The following LRP1 variants were observed in gnomAD, a reference collection of about 807,000 sequenced individuals.
LRP1 encodes the protein LDL receptor related protein 1.
LRP1 carries 51 observed loss-of-function variants against 541.5 expected under a neutral mutation model. That is an observed-to-expected ratio of 0.09 (90% confidence interval 0.08 to 0.12). The LOEUF is 0.12. Ranked by LOEUF, LRP1 falls within the 10% of genes least tolerant of loss-of-function variation. The probability of loss-of-function intolerance (pLI) is 1.00; values close to 1 mark genes in which losing one functional copy is unlikely to be tolerated. For synonymous variants in LRP1, 2,219 were observed against 2,470.8 expected (o/e 0.90, Z 3.02); for missense variants, 3,878 against 6,376.2 (o/e 0.61, Z 13.34).
At position 57,183,687 on chromosome 12, in the gene LRP1, C is replaced by T. The variant is rs1187578548; in HGVS notation, c.5795-88C>T. 3 of 1,565,640 alleles carry T rather than the reference C, an allele frequency of 1.9e-6. No homozygotes were observed. The highest frequency in any genetic ancestry group is 2.6e-6 in the Non-Finnish European group (3 of 1,150,850). On this transcript the variant is annotated intron_variant, in intron 35 of 88. Coordinates refer to ENST00000243077, the MANE Select transcript of LRP1 (RefSeq NM_002332.3). The surrounding 1 kb of genome is among the most constrained non-coding windows in gnomAD (Gnocchi z 6.1). ...GCACCTGGCCCCTCCGGCACTCTCT[C>T]ACCTCTGTCTTGAGCCTTGTGAGAT...
intron 1 of LRP1, among the ~76,000 whole-genome samples, chr12:57,135,420 C>T (rs1166187668): frequency 1.3e-5 from 2 of 152,182 alleles, no homozygotes; most frequent in African/African-American, 4.8e-5. Flanking sequence ...AAGGGTCCTA[C>T]CCCGCTCCCA....
At chr12:57,167,111 G>C in intron 18 of LRP1, 65 bp downstream of exon 18, 5 of 1,384,316 alleles carry the variant, frequency 3.6e-6, no homozygotes, top group East Asian at 2.3e-5. Flanking sequence ...GAGCATGCCA[G>C]TTGGGGGTGC....
rs1468573262 is a variant in LRP1, at chr12:57,173,786, G to A, written c.3353G>A (p.Cys1118Tyr). Reference sequence around the variant, plus strand: ...TAGTGCACCTGTCCCTCAGCTCGGTGCATCAGCAAAGCGTGGGTGTGTGAT... The same window carrying A: ...TAGTGCACCTGTCCCTCAGCTCGGTACATCAGCAAAGCGTGGGTGTGTGAT... ...VKFGCKDSAR[C>Y]ISKAWVCDGD... is the part of the protein sequence containing the mutation. Residue 1118 changes from cysteine (C) to tyrosine (Y), a missense_variant, in exon 22 of 89, where the codon TGC (cysteine) becomes TAC (tyrosine). Coordinates refer to ENST00000243077, the MANE Select transcript of LRP1 (RefSeq NM_002332.3). The surrounding 1 kb of genome is among the most constrained non-coding windows in gnomAD (Gnocchi z 4.7). 1 of 1,614,232 alleles carries A rather than the reference G, an allele frequency of 6.2e-7. No individual in the cohort carries two copies.
chr12:57,209,259 A>G (rs1274118402), intron 79 of LRP1, 60 bp downstream of exon 79: 3 of 1,383,760 alleles, frequency 2.2e-6, no homozygotes, highest in Non-Finnish European at 3.1e-6. Context: ...CATCCTCCCT[A>G]CTGAGCCAAA....
rs746723666 is a variant in LRP1, at chr12:57,198,615, C to T, written c.9621C>T (p.Asp3207=). 13 of 1,613,446 alleles carry T rather than the reference C, an allele frequency of 8.1e-6. No homozygotes were observed. In the African/African-American group the frequency reaches 1.2e-4, roughly 15 times the overall value. The change falls in exon 60 of 89, where the codon GAC becomes GAT. Residue 3207 remains aspartate (D), a synonymous_variant. Coordinates refer to ENST00000243077, the MANE Select transcript of LRP1 (RefSeq NM_002332.3). ...TCACTGAGCGCATCTACTGGGCCGA[C>T]GCCCGCGAGGACTACATTGAATTTG... The part of the protein sequence containing the change: ...DYVTERIYWA[D]AREDYIEFAS...
chr12:57,213,340 TAAAAAAAAAAAAAAAAAAAAAGGCCA>T (rs2036960489), exon 89 of LRP1: 2 of 95,616 alleles, frequency 2.1e-5, no homozygotes, highest in South Asian at 8.1e-4. Flanking sequence ...AATAAAATTG[TAAAAAAAAAAAAAAAAAAAAAGGCCA>T]AAAAAAAAAA....
intron 55 of LRP1, 104 bp downstream of exon 55, chr12:57,196,381 G>A (rs2036535206): frequency 1.8e-6 from 2 of 1,138,676 alleles, no homozygotes; most frequent in African/African-American, 1.6e-5. Flanking sequence ...TGGGGATACA[G>A]CAGTGAATGA....
chr12:57,208,283 G>T, intron 77 of LRP1, 67 bp downstream of exon 77: 2 of 1,528,950 alleles, frequency 1.3e-6, no homozygotes, highest in Non-Finnish European at 1.8e-6. Flanking sequence ...AGGGTTGGGG[G>T]CTGCACCCAC....
Position 57,189,869 on chromosome 12 carries a change from A to G in LRP1, c.7032-936A>G, listed in dbSNP as rs2036342361. On this transcript the variant is annotated intron_variant, in intron 42 of 88. Transcript: ENST00000243077. The surrounding 1 kb of genome is among the most constrained non-coding windows in gnomAD (Gnocchi z 4.4). Reference sequence around the variant, plus strand: ...CCCGCCCTGGGCCTAGCTGAGTGACAAGCTCTGGGACCGAGGACCCAGGGC... The same window carrying G: ...CCCGCCCTGGGCCTAGCTGAGTGACGAGCTCTGGGACCGAGGACCCAGGGC... Among the ~76,000 whole-genome samples the G allele has an allele frequency of 6.6e-6, 1 of 152,032 alleles. No homozygotes were observed. The highest frequency in any genetic ancestry group is 1.5e-5 in the Non-Finnish European group (1 of 67,986).
intron 42 of LRP1, among the ~76,000 whole-genome samples, chr12:57,188,641 C>G (rs2036317038): frequency 6.6e-6 from 1 of 152,214 alleles, no homozygotes; most frequent in Admixed American, 6.5e-5. Context: ...TCCCAGAGGA[C>G]GTGACCCCCT....
At chr12:57,129,426 A>C (rs1220802849) in intron 1 of LRP1, among the ~76,000 whole-genome samples, 1 of 150,224 alleles carries the variant, frequency 6.7e-6, no homozygotes, top group Admixed American at 6.6e-5. Flanking sequence ...TTCGGCTGCA[A>C]AAGGGGGTGG....
chr12:57,201,237 G>A lies in LRP1; in HGVS notation c.10345+84G>A. ...CAGAATCTCCCCACAGCTTTGAGAG[G>A]CTCTCAAATAACTTTAGTAGATGGG... is the stretch of plus-strand genomic sequence containing the variant. On this transcript the variant is annotated intron_variant, in intron 65 of 88. Transcript: ENST00000243077. The surrounding 1 kb of genome is among the most constrained non-coding windows in gnomAD (Gnocchi z 6.4). The A allele has an allele frequency of 1.3e-6, 2 of 1,576,604 alleles. No homozygotes were observed. The highest frequency in any genetic ancestry group is 1.1e-5 in the South Asian group (1 of 87,700).
intron 22 of LRP1, among the ~76,000 whole-genome samples, chr12:57,174,782 A>G (rs1166317330): frequency 6.6e-6 from 1 of 152,134 alleles, no homozygotes; most frequent in Non-Finnish European, 1.5e-5. Context: ...CAAACAGGCA[A>G]GGGGAGGAGG....
At chr12:57,155,993 G>A (rs1025117439) in intron 8 of LRP1, 101 bp from the exon 9 acceptor site, 1 of 856,882 alleles carries the variant, frequency 1.2e-6, no homozygotes, top group Admixed American at 2.3e-5. Flanking sequence ...ATGAATTGGG[G>A]AATGCAGGTC....
chr12:57,204,716 A>G lies in LRP1; in HGVS notation c.11161A>G (p.Asn3721Asp). The change falls in exon 72 of 89, where the codon AAC (asparagine) becomes GAC (aspartate). Residue 3721 changes from asparagine (N) to aspartate (D), a missense_variant. Physicochemically the swap from Asn to Asp is conservative, Grantham distance 23. Transcript: ENST00000243077. This position sits in a 1 kb window ranked among gnomAD's most constrained non-coding sequence, Gnocchi z 5.3. ...CGGGCGCCAATGCGATGGCACGGAC[A>G]ACTGTGGGGATGGGACTGATGAAGA... ...WIGRQCDGTD[N>D]CGDGTDEEDC... 1.2e-6 allele frequency: 2 copies of G among 1,613,962 alleles called. No individual in the cohort carries two copies. Among genetic ancestry groups the G allele is most frequent in the Non-Finnish European group, 1.7e-6 (2 of 1,179,982 alleles).
In LRP1 at chr12:57,165,285, T is replaced by G; in HGVS notation, c.2531-520T>G. 1 of 153,592 alleles carries G rather than the reference T, an allele frequency of 6.5e-6. No homozygotes were observed. Among genetic ancestry groups the G allele is most frequent in the Non-Finnish European group, 1.5e-5 (1 of 68,906 alleles). The allele number at this position is 153,592 out of a possible 1,614,324, so 9.5% of individuals were successfully genotyped here. A position where few individuals can be genotyped will look rare whatever the true frequency, so the allele number is the denominator to read the frequency against. ...GTTACCAAGGCACAGACAAAGGACG[T>G]CGTGATTTAGCTGCTAATGGGCCAA... On this transcript the variant is annotated intron_variant, in intron 15 of 88. Transcript: ENST00000243077. This position sits in a 1 kb window ranked among gnomAD's most constrained non-coding sequence, Gnocchi z 4.5.
At chr12:57,209,892 C>T in intron 80 of LRP1, 24 bp downstream of exon 80, 1 of 1,610,082 alleles carries the variant, frequency 6.2e-7, no homozygotes, top group Non-Finnish European at 8.5e-7. Flanking sequence ...GGAGCCTGGG[C>T]TGGGGAAGGG....
chr12:57,195,612 C>T (rs377435139), intron 52 of LRP1, 46 bp from the exon 53 acceptor site: 10 of 1,613,310 alleles, frequency 6.2e-6, no homozygotes, highest in African/African-American at 5.3e-5. Context: ...GACGGTCGGC[C>T]GCTGGCCAGG....
At chr12:57,174,148 T>C (rs2035998854) in intron 22 of LRP1, among the ~76,000 whole-genome samples, 168 bp downstream of exon 22, 1 of 152,202 alleles carries the variant, frequency 6.6e-6, no homozygotes, top group Non-Finnish European at 1.5e-5. Flanking sequence ...GCGCTCCCCA[T>C]GGCGCTGTGC....
Sources: allele counts gnomAD v4.1 joint callset (sites outside exome capture counted in the v4.1 genomes callset), GRCh38; gene constraint gnomAD v4.1.1; non-coding constraint Gnocchi (gnomAD v3.1); transcripts MANE v1.5; gene names NCBI Gene and HGNC (gene_info 2026-07-23, HGNC 2026-07-21).